Variants in AKIP1 observed in about 807,000 individuals in gnomAD.
AKIP1 encodes A-kinase interacting protein 1.
Under a neutral mutation model 22.3 loss-of-function variants are expected in AKIP1, and 18 were observed. The ratio of observed to expected loss-of-function variants is 0.81; its 90% confidence interval spans 0.56 to 1.19. The LOEUF (loss-of-function observed/expected upper bound fraction) is 1.19. Among genes scored for constraint, AKIP1 ranks in the 50% most tolerant of loss-of-function variants. The probability of loss-of-function intolerance (pLI) is 0.00; values close to 1 mark genes in which losing one functional copy is unlikely to be tolerated. For missense variants in AKIP1, 287 were observed against 264.6 expected, an observed-to-expected ratio of 1.08 and a Z score of -0.59; for synonymous variants, 120 against 102.7, an observed-to-expected ratio of 1.17 and a Z score of -1.02.
At chr11:8,919,087 G>A (rs2064533628) in intron 5 of AKIP1, among the ~76,000 whole-genome samples, 2 of 152,122 alleles carry the variant, frequency 1.3e-5, no homozygotes, top group Admixed American at 1.3e-4. Context: ...TAACACTTTA[G>A]CATTTACAGA....
Position 8,919,778 on chromosome 11 carries a change from AG to A in AKIP1, c.*300del. ...CAGCCTCCCGAGTAGCTGGCACTAC[AG>A]GCACCCGCCACCATGCCCGGCTATT... On this transcript the variant is annotated 3_prime_UTR_variant, in exon 6 of 6. Coordinates refer to ENST00000309377, the MANE Select transcript of AKIP1 (RefSeq NM_020642.4). The A allele has an allele frequency of 4.2e-6, 1 of 235,590 alleles. No individual in the cohort carries two copies. Among genetic ancestry groups the A allele is most frequent in the African/African-American group, 2.3e-5 (1 of 43,980 alleles). 14.6% of individuals were successfully genotyped at this position (235,590 alleles called of 1,614,324 possible).
chr11:8,918,972 G>A (rs1203664644), intron 5 of AKIP1, among the ~76,000 whole-genome samples: 2 of 152,194 alleles, frequency 1.3e-5, no homozygotes, highest in African/African-American at 2.4e-5. Flanking sequence ...GCTCATCTGT[G>A]CTAAGTGCCA....
Position 8,919,785 on chromosome 11 carries a change from C to G in AKIP1, c.*305C>G, listed in dbSNP as rs548931217. The G allele has an allele frequency of 4.1e-4, 91 of 221,974 alleles. No homozygotes were observed. The highest frequency in any genetic ancestry group is 2.4e-3 in the Admixed American group (46 of 19,116). 13.8% of individuals were successfully genotyped at this position (221,974 alleles called of 1,614,324 possible). A position where few individuals can be genotyped will look rare whatever the true frequency, so the allele number is the denominator to read the frequency against. On this transcript the variant is annotated 3_prime_UTR_variant, in exon 6 of 6. Transcript: ENST00000309377. ...CCGAGTAGCTGGCACTACAGGCACC[C>G]GCCACCATGCCCGGCTATTTTTTTT...
chr11:8,919,227 T>G (rs1246825879), intron 5 of AKIP1, 110 bp from the exon 6 acceptor site: 8 of 1,042,476 alleles, frequency 7.7e-6, no homozygotes, highest in Non-Finnish European at 1.1e-5. Context: ...GTCTCCCACA[T>G]TAGCGCTTCA....
chr11:8,912,600 A>C (rs2064400340), intron 3 of AKIP1, 67 bp downstream of exon 3: 2 of 1,416,068 alleles, frequency 1.4e-6, no homozygotes, highest in Non-Finnish European at 1.0e-6. Context: ...ATCTTTCTGG[A>C]ATTTACGGAG....
Position 8,919,480 on chromosome 11 carries a change from A to T in AKIP1, c.633A>T (p.Ter211CysextTer2), listed in dbSNP as rs895947534. 9 of 1,612,454 alleles carry T rather than the reference A, an allele frequency of 5.6e-6. No homozygotes were observed. Among genetic ancestry groups the T allele is most frequent in the Non-Finnish European group, 7.6e-6 (9 of 1,179,592 alleles). The change falls in exon 6 of 6, where the codon TGA becomes TGT. Residue 211 changes from the stop codon to cysteine (C), a stop_lost. Coordinates refer to ENST00000309377, the MANE Select transcript of AKIP1 (RefSeq NM_020642.4). ...GQSVDLVFPV[*>C] The stretch of plus-strand genomic sequence containing the variant: ...GCGTGGACCTGGTCTTCCCTGTGTG[A>T]TGTTGACCATCACTGCCATCACATC...
chr11:8,915,819 CT>C (rs1258666817), intron 4 of AKIP1, among the ~76,000 whole-genome samples: 2,728 of 123,800 alleles, frequency 0.022, 24 homozygotes, highest in Middle Eastern at 0.036. Flanking sequence ...ATTTTTCTTT[CT>C]TTTTTTTTTT....
At chr11:8,916,494 C>A (rs941203364) in intron 4 of AKIP1, among the ~76,000 whole-genome samples, 1 of 152,140 alleles carries the variant, frequency 6.6e-6, no homozygotes, top group Non-Finnish European at 1.5e-5. Context: ...TTAACCTACC[C>A]TACTTGTACT....
chr11:8,914,911 T>C lies in AKIP1; in HGVS notation c.389T>C (p.Leu130Ser), dbSNP rs751144405. The C allele has an allele frequency of 5.0e-6, 8 of 1,613,726 alleles. No homozygotes were observed. Among genetic ancestry groups the C allele is most frequent in the Non-Finnish European group, 4.2e-6 (5 of 1,179,932 alleles). ...HRGESKLHMC[L>S]DIGNGQRKDR... Reference sequence around the variant, plus strand: ...GGCGAGTCGAAGCTGCACATGTGCTTGGACATAGGGAATGGTCAGGTAAGT... The same window carrying C: ...GGCGAGTCGAAGCTGCACATGTGCTCGGACATAGGGAATGGTCAGGTAAGT... Residue 130 changes from leucine to serine, a missense_variant, in exon 4 of 6, where the codon TTG becomes TCG. Transcript: ENST00000309377.
chr11:8,916,858 T>G (rs1255788830), intron 4 of AKIP1, among the ~76,000 whole-genome samples: 1 of 152,074 alleles, frequency 6.6e-6, no homozygotes, highest in Non-Finnish European at 1.5e-5. Context: ...CTAAGGGAAA[T>G]TGGCTTTATC....
At chr11:8,912,584 A>G in intron 3 of AKIP1, 51 bp downstream of exon 3, 1 of 1,498,396 alleles carries the variant, frequency 6.7e-7, no homozygotes, top group Non-Finnish European at 9.3e-7. Flanking sequence ...GATGGACCAC[A>G]TTTGGATCTT....
At position 8,917,346 on chromosome 11, in the gene AKIP1, T is replaced by TG. The variant is rs1486898966; in HGVS notation, c.469dup (p.Ala157GlyfsTer9). 6.2e-7 allele frequency: 1 copy of TG among 1,613,554 alleles called. No homozygotes were observed. Among genetic ancestry groups the TG allele is most frequent in the Admixed American group, 1.7e-5 (1 of 59,962 alleles). On this transcript the variant is annotated frameshift_variant, in exon 5 of 6. Coordinates refer to ENST00000309377, the MANE Select transcript of AKIP1 (RefSeq NM_020642.4). LOFTEE classifies it high-confidence loss of function. ...GAGGCAGCTATCAAATATCAGAGCATGCTCCAGAGGCATCCCAGCCTGTGA... is the reference window on the plus strand; with the variant it reads ...GAGGCAGCTATCAAATATCAGAGCATGGCTCCAGAGGCATCCCAGCCTGTGA...
rs1392145285 is a variant in AKIP1 at position 8,919,374 on chromosome 11, A to C, written c.527A>C (p.Tyr176Ser). ...TCTAAGGACCTCTACATAGAAGTAT[A>C]TCCAGGGACCTATTCTGTCACTGTG... is the stretch of plus-strand genomic sequence containing the variant. The part of the protein sequence containing the change: ...NISKDLYIEV[Y>S]PGTYSVTVGS... Residue 176 changes from tyrosine (Y) to serine (S), a missense_variant, in exon 6 of 6, where the codon TAT becomes TCT. Tyr to Ser is a moderately radical substitution (Grantham distance 144, BLOSUM62 -2). Transcript: ENST00000309377. 12 of 1,613,924 alleles carry C rather than the reference A, an allele frequency of 7.4e-6. No homozygotes were observed. Among genetic ancestry groups the C allele is most frequent in the Non-Finnish European group, 7.6e-6 (9 of 1,179,884 alleles).
chr11:8,919,314 C>G (rs764779602), intron 5 of AKIP1, 23 bp from the exon 6 acceptor site: 2 of 1,607,322 alleles, frequency 1.2e-6, no homozygotes, highest in South Asian at 1.1e-5. Context: ...CTCTAAACTG[C>G]TAATATCCTC....
intron 3 of AKIP1, among the ~76,000 whole-genome samples, chr11:8,913,454 C>T (rs2064431509): frequency 6.6e-6 from 1 of 152,192 alleles, no homozygotes; most frequent in Non-Finnish European, 1.5e-5. Context: ...TCCCAAAGTG[C>T]TGGGATTACA....
chr11:8,912,870 A>AATTTTT (rs1428029806), intron 3 of AKIP1, among the ~76,000 whole-genome samples: 2 of 48,240 alleles, frequency 4.1e-5, no homozygotes. Context: ...GTTTTTTTTA[A>AATTTTT]CTTTTTTTTT....
At chr11:8,919,063 C>A (rs144048363) in intron 5 of AKIP1, among the ~76,000 whole-genome samples, 12 of 152,334 alleles carry the variant, frequency 7.9e-5, no homozygotes, top group African/African-American at 2.9e-4. Context: ...TTTTTATAAT[C>A]CTTCATGTTC....
intron 4 of AKIP1, among the ~76,000 whole-genome samples, chr11:8,915,498 A>C (rs1419501807): frequency 6.6e-6 from 1 of 151,246 alleles, no homozygotes; most frequent in Non-Finnish European, 1.5e-5. Flanking sequence ...AGTAGCTGGG[A>C]CTACAGGCAC....
intron 3 of AKIP1, among the ~76,000 whole-genome samples, chr11:8,913,212 A>G (rs1289576870): frequency 8.8e-6 from 1 of 113,094 alleles, no homozygotes; most frequent in Non-Finnish European, 1.8e-5. Context: ...ACAGAGTCTC[A>G]CTCCATCACC....
Sources: gnomAD v4.1 joint callset for allele counts (sites outside exome capture counted in the v4.1 genomes callset) on GRCh38, gnomAD v4.1.1 for gene constraint, MANE v1.5 for transcripts, NCBI Gene and HGNC (gene_info 2026-07-23, HGNC 2026-07-21) for gene names.